Variants in PIGU observed in about 807,000 individuals in gnomAD.
PIGU encodes the protein phosphatidylinositol glycan anchor biosynthesis class U.
PIGU carries 24 observed loss-of-function variants against 49.9 expected under a neutral mutation model. The observed-to-expected ratio is 0.48, with a 90% CI of 0.35 to 0.68. PIGU has a LOEUF of 0.68. Among genes scored for constraint, PIGU ranks in the 30% least tolerant of loss-of-function variants. The pLI is 0.01. For missense variants in PIGU, 490 were observed against 532.6 expected (o/e 0.92, Z 0.79); for synonymous variants, 220 against 205.7 (o/e 1.07, Z -0.59).
At chr20:34,589,485 T>C (rs1254755049) in intron 7 of PIGU, among the ~76,000 whole-genome samples, 3 of 152,004 alleles carry the variant, frequency 2.0e-5, no homozygotes, top group Admixed American at 2.0e-4. Flanking sequence ...CCCAAGTAGC[T>C]GGGACTGCAG....
chr20:34,603,855 T>C (rs1481766841), intron 7 of PIGU, among the ~76,000 whole-genome samples: 4 of 75,302 alleles, frequency 5.3e-5, no homozygotes, highest in African/African-American at 2.2e-4. Context: ...GACCTTTTAG[T>C]GGACAGACAC....
intron 3 of PIGU, among the ~76,000 whole-genome samples, chr20:34,644,553 T>C (rs1986272051): frequency 6.6e-6 from 1 of 152,168 alleles, no homozygotes; most frequent in Admixed American, 6.5e-5. Context: ...GTCAAGTGCC[T>C]AGCACACAGT....
At chr20:34,580,517 C>T (rs796267001) in intron 10 of PIGU, among the ~76,000 whole-genome samples, 2 of 152,342 alleles carry the variant, frequency 1.3e-5, no homozygotes, top group African/African-American at 4.8e-5. Context: ...AACAAAGATT[C>T]ACTTCCTCTG....
At chr20:34,576,153 T>C (rs1442391591) in intron 10 of PIGU, among the ~76,000 whole-genome samples, 2 of 152,080 alleles carry the variant, frequency 1.3e-5, no homozygotes, top group Non-Finnish European at 2.9e-5. Context: ...GGTAGGAAGA[T>C]TGCTTGAGCC....
intron 7 of PIGU, among the ~76,000 whole-genome samples, chr20:34,606,266 A>G (rs1984610090): frequency 6.6e-6 from 1 of 151,940 alleles, no homozygotes; most frequent in African/African-American, 2.4e-5. Flanking sequence ...AAAAAAAAAA[A>G]AAAAAAAAAA....
intron 7 of PIGU, among the ~76,000 whole-genome samples, chr20:34,605,255 T>C (rs1221223123): frequency 6.6e-6 from 1 of 152,192 alleles, no homozygotes; most frequent in Non-Finnish European, 1.5e-5. Context: ...TCATAAGTGA[T>C]TCACCAGGGA....
chr20:34,603,262 C>A (rs546264236), intron 7 of PIGU, among the ~76,000 whole-genome samples: 1 of 152,194 alleles, frequency 6.6e-6, no homozygotes, highest in East Asian at 1.9e-4. Flanking sequence ...TTTCTGATGT[C>A]AGCAGTTATT....
At chr20:34,587,988 T>A (rs1355106209) in intron 8 of PIGU, among the ~76,000 whole-genome samples, 1 of 152,190 alleles carries the variant, frequency 6.6e-6, no homozygotes, top group African/African-American at 2.4e-5. Context: ...ACAAACTGAT[T>A]TCAAAAATTT....
chr20:34,676,049 T>G (rs1416564539), intron 1 of PIGU, among the ~76,000 whole-genome samples: 1 of 151,374 alleles, frequency 6.6e-6, no homozygotes, highest in Non-Finnish European at 1.5e-5. Context: ...AAAAGTTGTT[T>G]GTTTTTTTTT....
chr20:34,661,940 T>C (rs1370045912), intron 1 of PIGU, among the ~76,000 whole-genome samples: 1 of 152,160 alleles, frequency 6.6e-6, no homozygotes, highest in Non-Finnish European at 1.5e-5. Context: ...CTCATTGTGG[T>C]TTTGAGATAG....
intron 3 of PIGU, among the ~76,000 whole-genome samples, chr20:34,644,786 T>A (rs550562025): frequency 2.2e-4 from 34 of 152,212 alleles, no homozygotes; most frequent in Admixed American, 3.3e-4. Flanking sequence ...GGCAAAATGC[T>A]TAGGACAAAT....
At chr20:34,647,952 A>G (rs1986411632) in intron 2 of PIGU, among the ~76,000 whole-genome samples, 1 of 152,096 alleles carries the variant, frequency 6.6e-6, no homozygotes, top group African/African-American at 2.4e-5. Flanking sequence ...TGAAAGAGGT[A>G]TGTTAAAAAT....
chr20:34,632,715 G>GA (rs1010338164), intron 6 of PIGU, among the ~76,000 whole-genome samples: 22 of 151,796 alleles, frequency 1.4e-4, no homozygotes, highest in Admixed American at 1.2e-3. Context: ...CAGAAAAACA[G>GA]AAAAAAATCA....
intron 1 of PIGU, among the ~76,000 whole-genome samples, chr20:34,676,695 A>ACACGC (rs1359259692): frequency 1.3e-5 from 2 of 151,994 alleles, no homozygotes; most frequent in Admixed American, 6.5e-5. Flanking sequence ...ACTGAATGGG[A>ACACGC]CACGCCCCCT....
chr20:34,635,034 C>G (rs1447093711), intron 5 of PIGU, among the ~76,000 whole-genome samples: 1 of 152,176 alleles, frequency 6.6e-6, no homozygotes, highest in Non-Finnish European at 1.5e-5. Flanking sequence ...ATTCAAGAAG[C>G]AGCTGAGTCT....
intron 4 of PIGU, among the ~76,000 whole-genome samples, chr20:34,641,051 G>A (rs182102490): frequency 6.6e-5 from 10 of 152,068 alleles, no homozygotes; most frequent in Admixed American, 2.0e-4. Flanking sequence ...CCACCACCGC[G>A]CCCGGCTAAT....
At chr20:34,626,456 C>T (rs1008031601) in intron 6 of PIGU, among the ~76,000 whole-genome samples, 7 of 152,094 alleles carry the variant, frequency 4.6e-5, no homozygotes, top group Middle Eastern at 3.2e-3. Flanking sequence ...GTGCCCACCA[C>T]CACGCCCTGC....
intron 7 of PIGU, among the ~76,000 whole-genome samples, chr20:34,599,530 T>C (rs74899569): frequency 0.014 from 2,097 of 152,270 alleles, 52 homozygotes; most frequent in African/African-American, 0.048. Context: ...TAGAGAGTGC[T>C]GCACTGATGG....
chr20:34,607,176 G>A (rs1984647018), intron 7 of PIGU, among the ~76,000 whole-genome samples: 1 of 152,240 alleles, frequency 6.6e-6, no homozygotes, highest in Non-Finnish European at 1.5e-5. Flanking sequence ...CATTCACCCA[G>A]TGATTTTAGC....
Sources: allele counts gnomAD v4.1 joint callset (sites outside exome capture counted in the v4.1 genomes callset), GRCh38; gene constraint gnomAD v4.1.1; transcripts MANE v1.5; gene names NCBI Gene and HGNC (gene_info 2026-07-23, HGNC 2026-07-21).